GALNT10: variants seen among roughly 807,000 people sequenced by gnomAD.
The protein encoded by GALNT10 is GalNAc transferase 10.
Under a neutral mutation model 75.0 loss-of-function variants are expected in GALNT10, and 41 were observed. The ratio of observed to expected loss-of-function variants is 0.55; its 90% CI spans 0.43 to 0.71. GALNT10 has a LOEUF of 0.71. Ranked by LOEUF, GALNT10 falls within the 30% of genes least tolerant of loss-of-function variation. The pLI, the probability that GALNT10 is intolerant of heterozygous loss-of-function variation, is 0.00. For missense variants in GALNT10, 727 were observed against 818.5 expected, an observed-to-expected ratio of 0.89 and a Z score of 1.36; for synonymous variants, 302 against 313.0, an observed-to-expected ratio of 0.96 and a Z score of 0.37.
intron 3 of GALNT10, among the ~76,000 whole-genome samples, chr5:154,299,640 T>C (rs1754331523): frequency 6.6e-6 from 1 of 152,238 alleles, no homozygotes; most frequent in African/African-American, 2.4e-5. Flanking sequence ...CTCCTTTAGT[T>C]CCTACAACAA....
chr5:154,301,349 T>C (rs1754354059), intron 3 of GALNT10, among the ~76,000 whole-genome samples: 2 of 152,178 alleles, frequency 1.3e-5, no homozygotes, highest in South Asian at 2.1e-4. Flanking sequence ...AGGTAGTTTT[T>C]ATAACTACCA....
At chr5:154,405,670 G>C (rs1418264189) in intron 8 of GALNT10, among the ~76,000 whole-genome samples, 3 of 152,050 alleles carry the variant, frequency 2.0e-5, no homozygotes, top group Admixed American at 2.0e-4. Context: ...CAGAGCTGTT[G>C]TTGATAAGGC....
At chr5:154,316,614 C>T (rs972942229) in intron 3 of GALNT10, among the ~76,000 whole-genome samples, 2 of 152,184 alleles carry the variant, frequency 1.3e-5, no homozygotes, top group African/African-American at 4.8e-5. Context: ...TTTGCTTGTC[C>T]CCCACAACCC....
chr5:154,247,590 C>T (rs1397360811), intron 1 of GALNT10, among the ~76,000 whole-genome samples: 1 of 152,096 alleles, frequency 6.6e-6, no homozygotes, highest in East Asian at 1.9e-4. Flanking sequence ...TGGGAGTTCA[C>T]TCATGATTTG....
At chr5:154,337,878 T>C in intron 4 of GALNT10, 1 of 1,198,142 alleles carries the variant, frequency 8.3e-7, no homozygotes, top group Non-Finnish European at 1.2e-6. Context: ...AGGTATCTCT[T>C]GCTTTGACAG....
intron 7 of GALNT10, among the ~76,000 whole-genome samples, chr5:154,399,562 T>G (rs1360800108): frequency 6.6e-6 from 1 of 152,300 alleles, no homozygotes; most frequent in South Asian, 2.1e-4. Flanking sequence ...ATGGCTTATA[T>G]TGTTGCTAGG....
intron 4 of GALNT10, among the ~76,000 whole-genome samples, chr5:154,358,372 G>A (rs574162776): frequency 1.3e-5 from 2 of 152,234 alleles, no homozygotes; most frequent in East Asian, 3.9e-4. Context: ...AAGTGTAAAT[G>A]TTGGTCTGTC....
intron 4 of GALNT10, among the ~76,000 whole-genome samples, chr5:154,346,140 G>A (rs1211144069): frequency 1.0e-4 from 2 of 19,702 alleles, no homozygotes; most frequent in Non-Finnish European, 3.3e-4. Context: ...TCGTGTGTGC[G>A]TGTGTGTGTG....
chr5:154,259,937 AAC>A (rs1415369711), intron 1 of GALNT10, among the ~76,000 whole-genome samples: 1 of 152,198 alleles, frequency 6.6e-6, no homozygotes, highest in Non-Finnish European at 1.5e-5. Context: ...AAATTCATAA[AAC>A]ACAGTCTCTT....
chr5:154,353,756 C>T (rs1033621106), intron 4 of GALNT10, among the ~76,000 whole-genome samples: 1 of 152,200 alleles, frequency 6.6e-6, no homozygotes, highest in Non-Finnish European at 1.5e-5. Flanking sequence ...CACTTTTCCT[C>T]CTGGCAAATC....
At chr5:154,384,237 C>A (rs962774946) in intron 6 of GALNT10, among the ~76,000 whole-genome samples, 4 of 152,018 alleles carry the variant, frequency 2.6e-5, no homozygotes, top group Admixed American at 1.3e-4. Flanking sequence ...TCACTAGCAA[C>A]GTGGGATAGG....
chr5:154,348,440 T>C (rs1240475858), intron 4 of GALNT10, among the ~76,000 whole-genome samples: 1 of 152,248 alleles, frequency 6.6e-6, no homozygotes, highest in Non-Finnish European at 1.5e-5. Context: ...TGACACCTGC[T>C]TCTCTATGGA....
intron 1 of GALNT10, among the ~76,000 whole-genome samples, chr5:154,264,084 G>A (rs1439601943): frequency 6.6e-6 from 1 of 152,046 alleles, no homozygotes; most frequent in African/African-American, 2.4e-5. Context: ...AGGCTGAGGC[G>A]GGCAGATCAC....
At chr5:154,386,238 T>C in intron 6 of GALNT10, 75 bp from the exon 7 acceptor site, 1 of 1,027,444 alleles carries the variant, frequency 9.7e-7, no homozygotes, top group Non-Finnish European at 1.5e-6. Context: ...GCTGGGGGAA[T>C]GGCATTATCG....
At chr5:154,265,913 A>C (rs1296985695) in intron 1 of GALNT10, among the ~76,000 whole-genome samples, 2 of 151,576 alleles carry the variant, frequency 1.3e-5, no homozygotes, top group African/African-American at 2.4e-5. Flanking sequence ...TTAAAAAAAA[A>C]AATGTTGCCC....
At chr5:154,199,629 A>G (rs890905457) in intron 1 of GALNT10, among the ~76,000 whole-genome samples, 2 of 152,174 alleles carry the variant, frequency 1.3e-5, no homozygotes, top group Admixed American at 1.3e-4. Context: ...CTGCTCTTCC[A>G]GGATGCGTGC....
At chr5:154,202,907 C>G (rs897989867) in intron 1 of GALNT10, among the ~76,000 whole-genome samples, 3 of 152,276 alleles carry the variant, frequency 2.0e-5, no homozygotes, top group Admixed American at 6.5e-5. Context: ...GCCTAGACCC[C>G]CCTCGCCTGC....
intron 1 of GALNT10, among the ~76,000 whole-genome samples, chr5:154,256,949 G>A (rs560907331): frequency 3.3e-5 from 5 of 152,110 alleles, no homozygotes; most frequent in African/African-American, 1.2e-4. Flanking sequence ...CCAAACCTGT[G>A]AAGTTGTCAC....
intron 3 of GALNT10, among the ~76,000 whole-genome samples, chr5:154,299,719 A>T (rs1361947411): frequency 6.6e-6 from 1 of 152,100 alleles, no homozygotes; most frequent in African/African-American, 2.4e-5. Context: ...GTCACCTAGG[A>T]TTGGGCCCTT....
Sources: gnomAD v4.1 joint callset for allele counts (sites outside exome capture counted in the v4.1 genomes callset) on GRCh38, gnomAD v4.1.1 for gene constraint, MANE v1.5 for transcripts, NCBI Gene and HGNC (gene_info 2026-07-23, HGNC 2026-07-21) for gene names.